PPARGC1A: variants seen among roughly 807,000 people sequenced by gnomAD.
PPARGC1A encodes peroxisome proliferator-activated receptor gamma coactivator 1-alpha.
In PPARGC1A, 25 loss-of-function variants were observed where a neutral mutation model predicts 88.7. The ratio of observed to expected loss-of-function variants is 0.28; its 90% CI spans 0.21 to 0.39. PPARGC1A has a LOEUF of 0.39. Among genes scored for constraint, PPARGC1A ranks in the 10% least tolerant of loss-of-function variants. The probability of loss-of-function intolerance (pLI) is 1.00; values close to 1 mark genes in which losing one functional copy is unlikely to be tolerated. For missense variants in PPARGC1A, 880 were observed against 968.7 expected (o/e 0.91, Z 1.22); for synonymous variants, 363 against 355.6 (o/e 1.02, Z -0.24).
the PPARGC1A span, among the ~76,000 whole-genome samples, chr4:24,166,877 T>C: frequency 1.3e-5 from 2 of 152,214 alleles, no homozygotes; most frequent in Non-Finnish European, 2.9e-5. Context: ...GATATAAATA[T>C]ACAATGCTTC....
At chr4:24,047,680 C>T in the PPARGC1A span, among the ~76,000 whole-genome samples, 26 of 152,266 alleles carry the variant, frequency 1.7e-4, no homozygotes, top group Middle Eastern at 3.4e-3. Context: ...TGCTTAGTAA[C>T]GAGTCCTTCT....
intron 4 of PPARGC1A, 83 bp downstream of exon 4, chr4:23,829,360 CGGGGTCCCAGCTGAATTAAT>C: frequency 7.9e-7 from 1 of 1,265,368 alleles, no homozygotes; most frequent in Non-Finnish European, 1.1e-6. Context: ...GAGGCAGCTT[CGGGGTCCCAGCTGAATTAAT>C]ACCTACAAAC....
At chr4:24,220,890 T>C in the PPARGC1A span, among the ~76,000 whole-genome samples, 1 of 152,124 alleles carries the variant, frequency 6.6e-6, no homozygotes, top group Non-Finnish European at 1.5e-5. Context: ...GGAAAAGTAA[T>C]ATGTCCATTT....
chr4:23,793,582 C>G lies in PPARGC1A; in HGVS notation c.*2240G>C, dbSNP rs534970274. ...TTGAGTAGTAGGTGTATCATGTCTT[C>G]CAGAAAAGTCATGTCAGCCAAACAG... is the stretch of plus-strand genomic sequence containing the variant. On this transcript the variant is annotated 3_prime_UTR_variant, in exon 13 of 13. Coordinates refer to ENST00000264867, the MANE Select transcript of PPARGC1A (RefSeq NM_013261.5). 1 of 152,308 alleles carries G rather than the reference C, an allele frequency of 6.6e-6. No homozygotes were observed. Among genetic ancestry groups the G allele is most frequent in the Admixed American group, 6.6e-5 (1 of 15,262 alleles). 9.4% of individuals were successfully genotyped at this position (152,308 alleles called of 1,614,324 possible). A position where few individuals can be genotyped will look rare whatever the true frequency, so the allele number is the denominator to read the frequency against.
At chr4:23,995,043 C>T in the PPARGC1A span, among the ~76,000 whole-genome samples, 3,776 of 152,174 alleles carry the variant, frequency 0.025, 185 homozygotes, top group African/African-American at 0.086. Context: ...TATTGTGAGT[C>T]TAAACTGTTT....
chr4:23,844,983 G>A (rs1185678696), intron 2 of PPARGC1A, among the ~76,000 whole-genome samples: 1 of 150,298 alleles, frequency 6.7e-6, no homozygotes, highest in African/African-American at 2.5e-5. Flanking sequence ...AAGAGTAAGA[G>A]TAAGGGCCAA....
chr4:23,916,298 TAA>T, the PPARGC1A span, among the ~76,000 whole-genome samples: 2 of 152,220 alleles, frequency 1.3e-5, no homozygotes, highest in Non-Finnish European at 2.9e-5. Flanking sequence ...TTAGGTGTTT[TAA>T]ATAAATGACT....
chr4:23,913,263 T>TAGAGAGAGAGAG, the PPARGC1A span, among the ~76,000 whole-genome samples: 1 of 56,076 alleles, frequency 1.8e-5, no homozygotes, highest in Non-Finnish European at 3.2e-5. Context: ...TATATATATA[T>TAGAGAGAGAGAG]ATATAGAGAG....
upstream of PPARGC1A, among the ~76,000 whole-genome samples, chr4:23,899,680 C>T (rs575639238): frequency 1.3e-5 from 2 of 152,196 alleles, no homozygotes; most frequent in Admixed American, 6.5e-5. Flanking sequence ...AAGGTGCATA[C>T]GTTATAATTC....
chr4:24,135,540 G>A, the PPARGC1A span, among the ~76,000 whole-genome samples: 1 of 152,104 alleles, frequency 6.6e-6, no homozygotes, highest in South Asian at 2.1e-4. Flanking sequence ...TGTGATGGAA[G>A]GATTTTGCTT....
At chr4:24,080,462 T>A in the PPARGC1A span, among the ~76,000 whole-genome samples, 440 of 152,206 alleles carry the variant, frequency 2.9e-3, 4 homozygotes, top group African/African-American at 0.01. Flanking sequence ...AATCTTTGCT[T>A]TACAATGTAA....
chr4:24,407,945 T>C, the PPARGC1A span, among the ~76,000 whole-genome samples: 1 of 152,134 alleles, frequency 6.6e-6, no homozygotes, highest in Non-Finnish European at 1.5e-5. Flanking sequence ...ATCTTCTTCT[T>C]AAAAGGCCTC....
the PPARGC1A span, among the ~76,000 whole-genome samples, chr4:24,195,961 T>C: frequency 1.3e-5 from 2 of 152,162 alleles, no homozygotes; most frequent in Admixed American, 6.5e-5. Flanking sequence ...GATTTACAAG[T>C]TGGGAAGTCA....
At chr4:24,331,129 T>C in the PPARGC1A span, among the ~76,000 whole-genome samples, 1 of 152,206 alleles carries the variant, frequency 6.6e-6, no homozygotes, top group African/African-American at 2.4e-5. Flanking sequence ...ATCTCCTATT[T>C]TGATTTTGCC....
chr4:24,209,019 G>C, the PPARGC1A span, among the ~76,000 whole-genome samples: 1 of 152,212 alleles, frequency 6.6e-6, no homozygotes, highest in African/African-American at 2.4e-5. Flanking sequence ...TAGCTACCAA[G>C]CCCACTATAC....
At chr4:23,949,004 C>A in the PPARGC1A span, among the ~76,000 whole-genome samples, 1 of 152,114 alleles carries the variant, frequency 6.6e-6, no homozygotes, top group African/African-American at 2.4e-5. Flanking sequence ...AACTCTTAAA[C>A]CATGTTACTC....
At chr4:23,896,376 CAGAT>C (rs1413327817) in intron 1 of PPARGC1A, among the ~76,000 whole-genome samples, 1 of 152,090 alleles carries the variant, frequency 6.6e-6, no homozygotes, top group African/African-American at 2.4e-5. Context: ...GGGAATGTAG[CAGAT>C]AGAAATAGCC....
intron 10 of PPARGC1A, among the ~76,000 whole-genome samples, chr4:23,808,250 CAAA>C (rs527466137): frequency 1.1e-5 from 1 of 93,860 alleles, no homozygotes; most frequent in Non-Finnish European, 2.1e-5. Context: ...GACTCCATCT[CAAA>C]AAAAAAAAAA....
the PPARGC1A span, among the ~76,000 whole-genome samples, chr4:24,018,531 T>A: frequency 1.3e-5 from 2 of 152,134 alleles, no homozygotes; most frequent in Non-Finnish European, 2.9e-5. Context: ...TGCCCATAAA[T>A]GCCAATCAAC....
Sources: allele counts gnomAD v4.1 joint callset (sites outside exome capture counted in the v4.1 genomes callset), GRCh38; gene constraint gnomAD v4.1.1; transcripts MANE v1.5; gene names NCBI Gene and HGNC (gene_info 2026-07-23, HGNC 2026-07-21).